Variants in GNG2 observed in about 807,000 individuals in gnomAD.
GNG2 encodes the protein G protein subunit gamma 2.
GNG2 carries 5 observed loss-of-function variants against 5.5 expected under a neutral mutation model. That is an observed-to-expected ratio of 0.91 (90% CI 0.48 to 1.92). The LOEUF (loss-of-function observed/expected upper bound fraction) is 1.92, where lower values mean the gene tolerates loss of function less well. GNG2 is among the 30% of genes most tolerant of loss of function. GNG2 has a pLI of 0.01. For synonymous variants in GNG2, 28 were observed against 32.0 expected, an observed-to-expected ratio of 0.88 and a Z score of 0.42; for missense variants, 55 against 88.4, an observed-to-expected ratio of 0.62 and a Z score of 1.52.
intron 2 of GNG2, among the ~76,000 whole-genome samples, chr14:51,925,656 G>C (rs1347276045): frequency 6.6e-6 from 1 of 152,138 alleles, no homozygotes; most frequent in Non-Finnish European, 1.5e-5. Context: ...CTATCACCCA[G>C]GCTGGAGTGC....
At chr14:51,962,330 T>C (rs933172271) in intron 3 of GNG2, among the ~76,000 whole-genome samples, 3 of 152,148 alleles carry the variant, frequency 2.0e-5, no homozygotes. Flanking sequence ...AGAAATGCAG[T>C]GTTGAGGTGT....
chr14:51,896,878 C>T (rs1198214460), intron 2 of GNG2, among the ~76,000 whole-genome samples: 1 of 151,802 alleles, frequency 6.6e-6, no homozygotes, highest in Non-Finnish European at 1.5e-5. Flanking sequence ...AATACATGAA[C>T]TAAAATCATA....
At chr14:51,922,265 T>C (rs186674905) in intron 2 of GNG2, among the ~76,000 whole-genome samples, 3 of 152,274 alleles carry the variant, frequency 2.0e-5, no homozygotes, top group East Asian at 1.9e-4. Flanking sequence ...GGGAAAGAAA[T>C]TGCTTGTGGA....
At chr14:51,880,266 C>G (rs895072943) in intron 2 of GNG2, among the ~76,000 whole-genome samples, 1 of 152,104 alleles carries the variant, frequency 6.6e-6, no homozygotes, top group Non-Finnish European at 1.5e-5. Context: ...TGAACAGAAC[C>G]AAAGAAATGT....
intron 3 of GNG2, among the ~76,000 whole-genome samples, chr14:51,953,703 T>G (rs1889113332): frequency 6.6e-6 from 1 of 152,196 alleles, no homozygotes; most frequent in Non-Finnish European, 1.5e-5. Context: ...GTTGAGCAGT[T>G]GGATAAAGTG....
At chr14:51,937,658 G>T (rs1594938446) in intron 2 of GNG2, among the ~76,000 whole-genome samples, 1 of 116,602 alleles carries the variant, frequency 8.6e-6, no homozygotes. Flanking sequence ...TAAGTTTTAG[G>T]GTACATGTGC....
intron 2 of GNG2, among the ~76,000 whole-genome samples, chr14:51,829,842 CT>C (rs1178449589): frequency 6.2e-5 from 7 of 113,252 alleles, no homozygotes; most frequent in Admixed American, 2.8e-4. Context: ...CTCCCTACTT[CT>C]TCTTTTTTTT....
rs977100763 is a variant in GNG2, at chr14:51,958,019, C to T, written c.87+7254C>T. On this transcript the variant is annotated intron_variant, in intron 3 of 3. Coordinates refer to ENST00000556766, the MANE Select transcript of GNG2 (RefSeq NM_053064.5). ...CTAATGTGTTTTCCAGATTTCTCCA[C>T]ACAAACCTATTTGTTTTCTTTTTGA... 7.9e-5 allele frequency among the ~76,000 whole-genome samples: 12 copies of T among 152,314 alleles called. No homozygotes were observed. In the East Asian group the frequency reaches 2.3e-3, roughly 29 times the overall value.
chr14:51,884,816 T>C (rs1884336215), intron 2 of GNG2, among the ~76,000 whole-genome samples: 1 of 152,304 alleles, frequency 6.6e-6, no homozygotes, highest in Admixed American at 6.5e-5. Context: ...ACTTGACCCA[T>C]GCTGAGGAAG....
intron 2 of GNG2, chr14:51,916,449 C>G (rs754761098): frequency 2.2e-6 from 1 of 453,550 alleles, no homozygotes; most frequent in Admixed American, 2.4e-5. Flanking sequence ...ATATTTCGGT[C>G]TCTAGGATGC....
intron 2 of GNG2, chr14:51,914,242 T>C (rs905294648): frequency 4.3e-6 from 3 of 702,148 alleles, no homozygotes; most frequent in Non-Finnish European, 5.2e-6. Context: ...AATGGAGTTA[T>C]TAGGCAACAT....
At chr14:51,836,856 C>CTTTTTTTTTTTTTT (rs369095215) in intron 2 of GNG2, among the ~76,000 whole-genome samples, 1 of 130,676 alleles carries the variant, frequency 7.7e-6, no homozygotes. Context: ...GTGACTTCAT[C>CTTTTTTTTTTTTTT]TTTTTTTTTT....
At chr14:51,843,380 G>T (rs1290536481) in intron 2 of GNG2, among the ~76,000 whole-genome samples, 3 of 152,006 alleles carry the variant, frequency 2.0e-5, no homozygotes, top group Non-Finnish European at 4.4e-5. Flanking sequence ...AGAACAATGA[G>T]AACACATGGA....
At position 51,895,529 on chromosome 14, in the gene GNG2, A is replaced by C. The variant is rs546471531; in HGVS notation, c.-30+17872A>C. ...TGAGGAAGAAATCCTAAACATCTGGAAAAAAGGCCAGATAATATTCCAAGT... is the reference window on the plus strand; with the variant it reads ...TGAGGAAGAAATCCTAAACATCTGGCAAAAAGGCCAGATAATATTCCAAGT... On this transcript the variant is annotated intron_variant, in intron 2 of 3. Coordinates refer to ENST00000556766, the MANE Select transcript of GNG2 (RefSeq NM_053064.5). Among the ~76,000 whole-genome samples the C allele has an allele frequency of 6.4e-4, 98 of 152,344 alleles. 1 individual carries two copies. The highest frequency in any genetic ancestry group is 2.2e-3 in the African/African-American group (92 of 41,580).
chr14:51,952,652 A>T lies in GNG2; in HGVS notation c.87+1887A>T, dbSNP rs74051375. On this transcript the variant is annotated intron_variant, in intron 3 of 3. Transcript: ENST00000556766. ...CCAGTTACTGTTCCTGAAGGAGGATATGATGTGCTCATGGGTGATGAAAAC... is the reference window on the plus strand; with the variant it reads ...CCAGTTACTGTTCCTGAAGGAGGATTTGATGTGCTCATGGGTGATGAAAAC... 1.6e-4 allele frequency among the ~76,000 whole-genome samples: 24 copies of T among 152,264 alleles called. No individual in the cohort carries two copies. In the South Asian group the frequency reaches 4.8e-3, roughly 30 times the overall value.
chr14:51,897,587 A>C (rs1885281036), intron 2 of GNG2, among the ~76,000 whole-genome samples: 1 of 152,222 alleles, frequency 6.6e-6, no homozygotes, highest in Non-Finnish European at 1.5e-5. Context: ...AAAGTTATTA[A>C]ATGGGTGAAT....
At chr14:51,859,839 G>A (rs968338378), upstream of GNG2, among the ~76,000 whole-genome samples, 2 of 152,128 alleles carry the variant, frequency 1.3e-5, no homozygotes, top group African/African-American at 4.8e-5. Context: ...GGAGTATTCA[G>A]TTTCTCTGTT....
intron 2 of GNG2, among the ~76,000 whole-genome samples, chr14:51,898,921 T>G (rs1005554958): frequency 6.6e-6 from 1 of 152,106 alleles, no homozygotes. Flanking sequence ...ATAAAGACCA[T>G]AAGATTCTGG....
intron 2 of GNG2, chr14:51,846,995 T>C (rs1881646332): frequency 1.3e-5 from 2 of 152,212 alleles, no homozygotes; most frequent in South Asian, 4.1e-4. Context: ...AGGAAATCAG[T>C]CATTCAGAGT....
Sources: allele counts gnomAD v4.1 joint callset (sites outside exome capture counted in the v4.1 genomes callset), GRCh38; gene constraint gnomAD v4.1.1; transcripts MANE v1.5; gene names NCBI Gene and HGNC (gene_info 2026-07-23, HGNC 2026-07-21).